Variants in PLXNA4 observed in about 807,000 individuals in gnomAD.
The protein encoded by PLXNA4 is plexin A4, also known as plexin-A4.
Under a neutral mutation model 191.8 loss-of-function variants are expected in PLXNA4, and 44 were observed. The ratio of observed to expected loss-of-function variants is 0.23; its 90% CI spans 0.18 to 0.29. The LOEUF (loss-of-function observed/expected upper bound fraction) is 0.29, where lower values mean the gene tolerates loss of function less well. Among genes scored for constraint, PLXNA4 ranks in the 10% least tolerant of loss-of-function variants. PLXNA4 has a pLI of 1.00. For synonymous variants in PLXNA4, 1,082 were observed against 1,009.5 expected, an observed-to-expected ratio of 1.07 and a Z score of -1.36; for missense variants, 1,800 against 2,488.8, an observed-to-expected ratio of 0.72 and a Z score of 5.89.
At chr7:132,355,329 CCTT>C (rs1424786314) in intron 3 of PLXNA4, among the ~76,000 whole-genome samples, 2 of 152,198 alleles carry the variant, frequency 1.3e-5, no homozygotes, top group African/African-American at 2.4e-5. Context: ...GGCTTGATAT[CCTT>C]CTTCATAAAT....
intron 3 of PLXNA4, among the ~76,000 whole-genome samples, chr7:132,375,228 C>T (rs1804609762): frequency 6.6e-6 from 1 of 152,168 alleles, no homozygotes; most frequent in East Asian, 1.9e-4. Context: ...GCCCACATGG[C>T]CAGTGCTTAC....
chr7:132,647,311 A>C (rs1425110435), intron 1 of PLXNA4, among the ~76,000 whole-genome samples: 1 of 151,974 alleles, frequency 6.6e-6, no homozygotes, highest in Non-Finnish European at 1.5e-5. Flanking sequence ...ACATTCACAA[A>C]CACCCACATG....
At chr7:132,640,071 A>T (rs1803708862) in intron 2 of PLXNA4, among the ~76,000 whole-genome samples, 2 of 152,252 alleles carry the variant, frequency 1.3e-5, no homozygotes, top group Non-Finnish European at 2.9e-5. Flanking sequence ...TGGCCTTGAC[A>T]CCAGCATCTG....
chr7:132,593,902 C>A (rs1802652871), intron 2 of PLXNA4, among the ~76,000 whole-genome samples: 1 of 152,216 alleles, frequency 6.6e-6, no homozygotes, highest in South Asian at 2.1e-4. Flanking sequence ...GAAAAGTGTG[C>A]CTGGGCATCC....
At chr7:132,566,404 C>T (rs1801726061) in intron 1 of PLXNA4, among the ~76,000 whole-genome samples, 1 of 152,164 alleles carries the variant, frequency 6.6e-6, no homozygotes, top group East Asian at 1.9e-4. Flanking sequence ...CAGGTCACTA[C>T]CCAGTGGTGG....
chr7:132,289,924 T>TAATA (rs1800824264), intron 4 of PLXNA4, among the ~76,000 whole-genome samples: 2 of 151,906 alleles, frequency 1.3e-5, no homozygotes, highest in Non-Finnish European at 2.9e-5. Flanking sequence ...CAGGCCTGAG[T>TAATA]AATATGCTAT....
chr7:132,398,128 T>C (rs1364395698), intron 3 of PLXNA4, among the ~76,000 whole-genome samples: 2 of 152,226 alleles, frequency 1.3e-5, no homozygotes, highest in South Asian at 2.1e-4. Flanking sequence ...GCATGGTGTG[T>C]CCCTGAGCAA....
At chr7:132,133,741 A>G (rs1795035638) in intron 30 of PLXNA4, among the ~76,000 whole-genome samples, 1 of 152,202 alleles carries the variant, frequency 6.6e-6, no homozygotes, top group Non-Finnish European at 1.5e-5. Flanking sequence ...CAACTGGTTA[A>G]GTAGATGCCA....
chr7:132,354,178 A>AGTGTGTGT (rs138307873), intron 3 of PLXNA4, among the ~76,000 whole-genome samples: 4 of 151,178 alleles, frequency 2.6e-5, no homozygotes, highest in African/African-American at 9.8e-5. Context: ...GGGCACCAAC[A>AGTGTGTGT]GTGTGTGCGT....
intron 3 of PLXNA4, among the ~76,000 whole-genome samples, chr7:132,445,001 A>G (rs1795845037): frequency 6.6e-6 from 1 of 151,026 alleles, no homozygotes; most frequent in Non-Finnish European, 1.5e-5. Context: ...AAAATACAAA[A>G]AAATTAGCCG....
intron 1 of PLXNA4, among the ~76,000 whole-genome samples, chr7:132,534,885 A>G (rs941527650): frequency 6.6e-6 from 1 of 152,228 alleles, no homozygotes; most frequent in East Asian, 1.9e-4. Flanking sequence ...AACCTGCCAC[A>G]GTATTTAGCA....
chr7:132,312,548 T>C (rs1801785626), intron 3 of PLXNA4, among the ~76,000 whole-genome samples: 1 of 152,212 alleles, frequency 6.6e-6, no homozygotes, highest in African/African-American at 2.4e-5. Context: ...ATATCAATAA[T>C]AATATATCCA....
intron 3 of PLXNA4, among the ~76,000 whole-genome samples, chr7:132,348,500 T>C (rs1803341700): frequency 6.6e-6 from 1 of 152,180 alleles, no homozygotes; most frequent in Non-Finnish European, 1.5e-5. Context: ...TCCTAACCTT[T>C]CCACATCATG....
At chr7:132,227,428 A>C (rs1484904890) in intron 7 of PLXNA4, 23 bp downstream of exon 7, 1 of 1,613,952 alleles carries the variant, frequency 6.2e-7, no homozygotes, top group Non-Finnish European at 8.5e-7. Flanking sequence ...AGTGCCACTC[A>C]GCTGTGCCTC....
At chr7:132,254,389 G>A (rs1799360168) in intron 4 of PLXNA4, among the ~76,000 whole-genome samples, 1 of 152,226 alleles carries the variant, frequency 6.6e-6, no homozygotes, top group Non-Finnish European at 1.5e-5. Context: ...GTGAGGGTGA[G>A]TAAAGGGTTG....
At chr7:132,527,127 T>C (rs1799430320) in intron 1 of PLXNA4, among the ~76,000 whole-genome samples, 1 of 152,150 alleles carries the variant, frequency 6.6e-6, no homozygotes, top group Admixed American at 6.5e-5. Context: ...AGGATGTAGA[T>C]TATTGGGAAG....
intron 2 of PLXNA4, among the ~76,000 whole-genome samples, chr7:132,589,251 C>T (rs1802562055): frequency 6.6e-6 from 1 of 152,178 alleles, no homozygotes; most frequent in Non-Finnish European, 1.5e-5. Flanking sequence ...TATAAGTATT[C>T]TCCCAGTAGT....
In PLXNA4 at chr7:132,532,672, C is replaced by T. The variant is rs368571674; in HGVS notation, c.-86-23893G>A. ...TGCTACTCTGCTACTCGAGAATCTT[C>T]GATGGCTCCCTATTGCCTACACAGT... On this transcript the variant is annotated intron_variant, in intron 1 of 31. Coordinates refer to ENST00000321063, the MANE Select transcript of PLXNA4 (RefSeq NM_020911.2). 2.7e-4 allele frequency among the ~76,000 whole-genome samples: 41 copies of T among 152,286 alleles called. 1 individual carries two copies. The highest frequency in any genetic ancestry group is 8.7e-4 in the African/African-American group (36 of 41,552).
At chr7:132,219,071 G>A (rs571228275) in intron 9 of PLXNA4, among the ~76,000 whole-genome samples, 16 of 152,284 alleles carry the variant, frequency 1.1e-4, no homozygotes, top group African/African-American at 2.2e-4. Context: ...AGATGGTGCC[G>A]GGTAGATGAA....
Sources: allele counts gnomAD v4.1 joint callset (sites outside exome capture counted in the v4.1 genomes callset), GRCh38; gene constraint gnomAD v4.1.1; transcripts MANE v1.5; gene names NCBI Gene and HGNC (gene_info 2026-07-23, HGNC 2026-07-21).